Variants in ZSWIM8 observed in about 807,000 individuals in gnomAD.
The protein encoded by ZSWIM8 is zinc finger SWIM-type containing 8.
A neutral mutation model predicts 173.7 loss-of-function variants in ZSWIM8; 27 were observed. That is an observed-to-expected ratio of 0.16 (90% CI 0.11 to 0.21). ZSWIM8 has a LOEUF of 0.21. Ranked by LOEUF, ZSWIM8 falls within the 10% of genes least tolerant of loss-of-function variation. ZSWIM8 has a pLI of 1.00. For missense variants in ZSWIM8, 1,627 were observed against 2,428.8 expected, an observed-to-expected ratio of 0.67 and a Z score of 6.94; for synonymous variants, 958 against 962.0, an observed-to-expected ratio of 1.00 and a Z score of 0.08.
chr10:73,787,421 C>T (rs1193530045), intron 1 of ZSWIM8, among the ~76,000 whole-genome samples: 1 of 152,158 alleles, frequency 6.6e-6, no homozygotes, highest in African/African-American at 2.4e-5. Context: ...GGGCTTAGTG[C>T]TCCCTCACTT....
rs1407464980 is a variant in ZSWIM8 at position 73,791,038 on chromosome 10, G to C, written c.1005G>C (p.Leu335=). 6.2e-7 allele frequency: 1 copy of C among 1,613,742 alleles called. No homozygotes were observed. The highest frequency in any genetic ancestry group is 2.2e-5 in the East Asian group (1 of 44,882). ...EPPAAAEWAC[L]LRPLRGREPE... is the part of the protein sequence containing the mutation. ...CAGCCGCTGCTGAATGGGCATGTCT[G>C]CTGCGCCCTCTGAGGGGCCGTGAGC... Residue 335 remains leucine (L), a synonymous_variant, in exon 8 of 26, where the codon CTG becomes CTC. Transcript: ENST00000604729. This position sits in a 1 kb window ranked among gnomAD's most constrained non-coding sequence, Gnocchi z 6.0.
At position 73,792,211 on chromosome 10, in the gene ZSWIM8, T is replaced by A; in HGVS notation, c.1672T>A (p.Ser558Thr). ...KRKGLGEGVP[S>T]SQRGPRRLSA... is the part of the protein sequence containing the mutation. ...AAAGGGCTTGGGTGAGGGGGTCCCC[T>A]CATCACAGCGGGGTCCCCGCCGCCT... Residue 558 changes from serine to threonine, a missense_variant, in exon 10 of 26, where the codon TCA (serine) becomes ACA (threonine). This residue lies in a region of ZSWIM8 where 383 missense variants were observed against 394.8 expected (regional missense o/e 0.97). Transcript: ENST00000604729. This position sits in a 1 kb window ranked among gnomAD's most constrained non-coding sequence, Gnocchi z 4.3. The A allele has an allele frequency of 6.5e-7, 1 of 1,542,306 alleles. No homozygotes were observed. The highest frequency in any genetic ancestry group is 1.8e-4 in the Middle Eastern group (1 of 5,702).
Position 73,800,222 on chromosome 10 carries a change from GGGGAGGTGGGGA to G in ZSWIM8, c.4825+57_4826-58del. 1 of 1,611,700 alleles carries G rather than the reference GGGGAGGTGGGGA, an allele frequency of 6.2e-7. No individual in the cohort carries two copies. Among genetic ancestry groups the G allele is most frequent in the Admixed American group, 1.7e-5 (1 of 59,958 alleles). ...GAATGGAGGGGAGGCACACTGGGCA[GGGGAGGTGGGGA>G]GGGAATGTTCTTTGTCTCTCTTTGG... On this transcript the variant is annotated intron_variant, in intron 22 of 25. Transcript: ENST00000604729. The surrounding 1 kb of genome is among the most constrained non-coding windows in gnomAD (Gnocchi z 4.1).
chr10:73,789,447 C>T lies in ZSWIM8; in HGVS notation c.538C>T (p.Arg180Cys), dbSNP rs1379841457. 6.2e-7 allele frequency: 1 copy of T among 1,606,082 alleles called. No homozygotes were observed. The highest frequency in any genetic ancestry group is 8.5e-7 in the Non-Finnish European group (1 of 1,176,136). The stretch of plus-strand genomic sequence containing the variant: ...CTACAACGTGGCTGTGATGTTTGAC[C>T]GCTGCCGGGTCACTTCCTGCAGCTG... ...GAYNVAVMFD[R>C]CRVTSCSCTC... The change falls in exon 4 of 26, where the codon CGC (arginine) becomes TGC (cysteine). Residue 180 changes from arginine to cysteine, a missense_variant. Arg to Cys is a radical substitution (Grantham distance 180). Transcript: ENST00000604729. The surrounding 1 kb of genome is among the most constrained non-coding windows in gnomAD (Gnocchi z 6.8).
Position 73,796,934 on chromosome 10 carries a change from C to T in ZSWIM8, c.3194C>T (p.Ser1065Phe). Reference protein sequence around the residue: ...PGALQPLTSGSAGPAQPGSVA... With the variant: ...PGALQPLTSGFAGPAQPGSVA... ...GCCCTGCAACCACTGACCTCAGGCT[C>T]TGCAGGGCCTGCTCAACCAGGGAGT... is the stretch of plus-strand genomic sequence containing the variant. The change falls in exon 16 of 26, where the codon TCT becomes TTT. Residue 1065 changes from serine to phenylalanine, a missense_variant. Physicochemically the swap from Ser to Phe is radical, Grantham distance 155. This residue lies in a region of ZSWIM8 where 163 missense variants were observed against 193.2 expected (regional missense o/e 0.84). Coordinates refer to ENST00000604729, the MANE Select transcript of ZSWIM8 (RefSeq NM_001367799.1). 2 of 1,614,052 alleles carry T rather than the reference C, an allele frequency of 1.2e-6. No homozygotes were observed. The highest frequency in any genetic ancestry group is 1.7e-6 in the Non-Finnish European group (2 of 1,179,892).
In ZSWIM8 at chr10:73,789,601, A is replaced by T; in HGVS notation, c.630+62A>T. 6.4e-7 allele frequency: 1 copy of T among 1,573,780 alleles called. No individual in the cohort carries two copies. Among genetic ancestry groups the T allele is most frequent in the Non-Finnish European group, 8.6e-7 (1 of 1,158,250 alleles). On this transcript the variant is annotated intron_variant, in intron 4 of 25. Transcript: ENST00000604729. The surrounding 1 kb of genome is among the most constrained non-coding windows in gnomAD (Gnocchi z 6.8). Reference sequence around the variant, plus strand: ...ACTCCATCCCCCCCTTCTCTGCTGCATGCCTGGCTACAATGTGAGCCCCCT... The same window carrying T: ...ACTCCATCCCCCCCTTCTCTGCTGCTTGCCTGGCTACAATGTGAGCCCCCT...
At chr10:73,786,328 G>C in intron 1 of ZSWIM8, 1 of 321,088 alleles carries the variant, frequency 3.1e-6, no homozygotes, top group Non-Finnish European at 5.6e-6. Context: ...GTGTGTGTGG[G>C]TGTGTGTGTG....
At chr10:73,798,585 C>G in intron 20 of ZSWIM8, 132 bp downstream of exon 20, 2 of 801,382 alleles carry the variant, frequency 2.5e-6, no homozygotes, top group Non-Finnish European at 3.9e-6. Flanking sequence ...CCTCTCATGG[C>G]AACATTTTAC....
Position 73,789,234 on chromosome 10 carries a change from T to C in ZSWIM8, c.457+44T>C. On this transcript the variant is annotated intron_variant, in intron 3 of 25. Coordinates refer to ENST00000604729, the MANE Select transcript of ZSWIM8 (RefSeq NM_001367799.1). This position sits in a 1 kb window ranked among gnomAD's most constrained non-coding sequence, Gnocchi z 6.8. Reference sequence around the variant, plus strand: ...CATGTGGCACATCCTGCTCCTCCCATCCCCTGGCTTATGAAGTAAGAACAC... The same window carrying C: ...CATGTGGCACATCCTGCTCCTCCCACCCCCTGGCTTATGAAGTAAGAACAC... 6.2e-7 allele frequency: 1 copy of C among 1,610,240 alleles called. No individual in the cohort carries two copies. Among genetic ancestry groups the C allele is most frequent in the African/African-American group, 1.3e-5 (1 of 74,940 alleles).
chr10:73,788,599 G>C, intron 1 of ZSWIM8, 71 bp from the exon 2 acceptor site: 2 of 1,545,594 alleles, frequency 1.3e-6, no homozygotes, highest in East Asian at 4.5e-5. Context: ...GTACTGGCAT[G>C]AGTGCCAAGA....
rs1027906082 is a variant in ZSWIM8 at position 73,785,756 on chromosome 10, A to C, written c.-123A>C. On this transcript the variant is annotated 5_prime_UTR_variant, in exon 1 of 26. Transcript: ENST00000604729. ...ATTCTCGCCCGGCACGGCCGCCCTG[A>C]GCGCCCCGGCCACCCCCAGCCCCGG... The C allele has an allele frequency of 1.3e-5, 14 of 1,060,396 alleles. No homozygotes were observed. The highest frequency in any genetic ancestry group is 1.9e-5 in the Non-Finnish European group (14 of 729,014). 65.7% of individuals were successfully genotyped at this position (1,060,396 alleles called of 1,614,324 possible).
In ZSWIM8 at chr10:73,800,713, C is replaced by T. The variant is rs1386852717; in HGVS notation, c.5076C>T (p.Pro1692=). Residue 1692 remains proline (P), a synonymous_variant, in exon 24 of 26, where the codon CCC becomes CCT. Coordinates refer to ENST00000604729, the MANE Select transcript of ZSWIM8 (RefSeq NM_001367799.1). The surrounding 1 kb of genome is among the most constrained non-coding windows in gnomAD (Gnocchi z 4.1). ...DHPNNFSRSP[P]YTDDVKWLLG... is the part of the protein sequence containing the mutation. ...CCAACAACTTCTCCCGCTCCCCCCC[C>T]TACACTGATGATGTCAAATGGTTGC... 3 of 1,613,774 alleles carry T rather than the reference C, an allele frequency of 1.9e-6. No homozygotes were observed. Among genetic ancestry groups the T allele is most frequent in the Non-Finnish European group, 2.5e-6 (3 of 1,179,768 alleles).
At position 73,800,797 on chromosome 10, in the gene ZSWIM8, C is replaced by CA. The variant is rs557776959; in HGVS notation, c.5122+39dup. 4,955 of 1,456,958 alleles carry CA rather than the reference C, an allele frequency of 3.4e-3. 20 individuals are homozygous for CA. The highest frequency in any genetic ancestry group is 8.4e-3 in the Middle Eastern group (44 of 5,234). The allele number at this position is 1,456,958 out of a possible 1,614,324, so 90.3% of individuals were successfully genotyped here. On this transcript the variant is annotated intron_variant, in intron 24 of 25. Transcript: ENST00000604729. The surrounding 1 kb of genome is among the most constrained non-coding windows in gnomAD (Gnocchi z 4.1). ...CTCCCTAGGACCATTGCCCCCCCCC[C>CA]ACCTGCTCTCCCCACCTTCCTTATC...
At position 73,786,100 on chromosome 10, in the gene ZSWIM8, G is replaced by C. The variant is rs752284889; in HGVS notation, c.208+14G>C. 2 of 1,536,724 alleles carry C rather than the reference G, an allele frequency of 1.3e-6. No homozygotes were observed. The highest frequency in any genetic ancestry group is 1.2e-5 in the South Asian group (1 of 83,340). On this transcript the variant is annotated intron_variant, in intron 1 of 25. Coordinates refer to ENST00000604729, the MANE Select transcript of ZSWIM8 (RefSeq NM_001367799.1). Reference sequence around the variant, plus strand: ...CCAGAATGCGAGGTGAGAGTGAGCTGGGGGGAAGAGGAGCGGCAGGCCCTG... The same window carrying C: ...CCAGAATGCGAGGTGAGAGTGAGCTCGGGGGAAGAGGAGCGGCAGGCCCTG...
Position 73,800,591 on chromosome 10 carries a change from G to T in ZSWIM8, c.5003-49G>T, listed in dbSNP as rs2083896052. 1.2e-6 allele frequency: 2 copies of T among 1,608,288 alleles called. No homozygotes were observed. Among genetic ancestry groups the T allele is most frequent in the Non-Finnish European group, 8.5e-7 (1 of 1,176,502 alleles). On this transcript the variant is annotated intron_variant, in intron 23 of 25. Coordinates refer to ENST00000604729, the MANE Select transcript of ZSWIM8 (RefSeq NM_001367799.1). The surrounding 1 kb of genome is among the most constrained non-coding windows in gnomAD (Gnocchi z 4.1). ...GGTCAGGTGACAGGTTGGGGTAAAG[G>T]GTGAAGAGGATACACCGTACCATGT...
At position 73,801,330 on chromosome 10, in the gene ZSWIM8, C is replaced by G. The variant is rs780996490; in HGVS notation, c.5316C>G (p.Arg1772=). ...TCCTCCTCCAGTACATCCACCACCG[C>G]TTGATTCACCTGACTCCTGCGGACT... ...QQAYMQYIHH[R]LIHLTPADYD... Residue 1772 remains arginine, a synonymous_variant, in exon 26 of 26, where the codon CGC becomes CGG. Transcript: ENST00000604729. The surrounding 1 kb of genome is among the most constrained non-coding windows in gnomAD (Gnocchi z 4.9). The G allele has an allele frequency of 6.2e-7, 1 of 1,613,902 alleles. No homozygotes were observed. The highest frequency in any genetic ancestry group is 8.5e-7 in the Non-Finnish European group (1 of 1,179,814).
At position 73,789,892 on chromosome 10, in the gene ZSWIM8, G is replaced by C; in HGVS notation, c.739-64G>C. On this transcript the variant is annotated intron_variant, in intron 5 of 25. Transcript: ENST00000604729. This position sits in a 1 kb window ranked among gnomAD's most constrained non-coding sequence, Gnocchi z 6.8. ...AGGCCGCATAACAGCCTTCCTGTTA[G>C]GCCCAGGCCTCCATGGGTTCACCTA... is the stretch of plus-strand genomic sequence containing the variant. 6.3e-7 allele frequency: 1 copy of C among 1,586,188 alleles called. No individual in the cohort carries two copies. Among genetic ancestry groups the C allele is most frequent in the Non-Finnish European group, 8.6e-7 (1 of 1,163,666 alleles).
Position 73,797,150 on chromosome 10 carries a change from T to C in ZSWIM8, c.3312T>C (p.Ser1104=), listed in dbSNP as rs376406255. 110 of 1,613,662 alleles carry C rather than the reference T, an allele frequency of 6.8e-5. No individual in the cohort carries two copies. The highest frequency in any genetic ancestry group is 8.5e-5 in the Non-Finnish European group (100 of 1,179,798). The part of the protein sequence containing the change: ...SPHSPCEGLP[S]EAALTPRPEG... ...ATTCCCCCTGTGAGGGTCTTCCATC[T>C]GAGGCAGCTTTGACCCCAAGGCCAG... is the stretch of plus-strand genomic sequence containing the variant. The change falls in exon 17 of 26, where the codon TCT becomes TCC. Residue 1104 remains serine, a synonymous_variant. Coordinates refer to ENST00000604729, the MANE Select transcript of ZSWIM8 (RefSeq NM_001367799.1). This position sits in a 1 kb window ranked among gnomAD's most constrained non-coding sequence, Gnocchi z 5.6.
Position 73,793,936 on chromosome 10 carries a change from C to T in ZSWIM8, c.2517C>T (p.Phe839=). 1 of 1,613,530 alleles carries T rather than the reference C, an allele frequency of 6.2e-7. No homozygotes were observed. Among genetic ancestry groups the T allele is most frequent in the Non-Finnish European group, 8.5e-7 (1 of 1,179,714 alleles). The part of the protein sequence containing the change: ...VATNTLSKAA[F]LLTVLSERPE... ...CCAACACCCTGAGCAAGGCGGCCTT[C>T]CTGTTGACAGTGCTAAGTGAGCGTC... Residue 839 remains phenylalanine, a synonymous_variant, in exon 12 of 26, where the codon TTC becomes TTT. Transcript: ENST00000604729.
Sources: gnomAD v4.1 joint callset for allele counts (sites outside exome capture counted in the v4.1 genomes callset) on GRCh38, gnomAD v4.1.1 for gene constraint, gnomAD v4.1.1 regional missense constraint, Gnocchi (gnomAD v3.1) non-coding constraint, MANE v1.5 for transcripts, NCBI Gene and HGNC (gene_info 2026-07-23, HGNC 2026-07-21) for gene names.